Variants in CASZ1 observed in about 807,000 individuals in gnomAD.
CASZ1 encodes the protein castor zinc finger 1.
Under a neutral mutation model 135.2 loss-of-function variants are expected in CASZ1, and 28 were observed. That is an observed-to-expected ratio of 0.21 (90% confidence interval 0.15 to 0.28). CASZ1 has a LOEUF of 0.28. CASZ1 is among the 10% of genes least tolerant of loss of function. CASZ1 has a pLI of 1.00. For synonymous variants in CASZ1, 1,068 were observed against 1,073.4 expected (o/e 0.99, Z 0.10); for missense variants, 2,161 against 2,453.3 (o/e 0.88, Z 2.52).
Position 10,666,564 on chromosome 1 carries a change from G to A in CASZ1, c.17-993C>T, listed in dbSNP as rs959601173. Among the ~76,000 whole-genome samples the A allele has an allele frequency of 1.3e-5, 2 of 152,132 alleles. No individual in the cohort carries two copies. Among genetic ancestry groups the A allele is most frequent in the East Asian group, 1.9e-4 (1 of 5,186 alleles). On this transcript the variant is annotated intron_variant, in intron 4 of 20. Transcript: ENST00000377022. This position sits in a 1 kb window ranked among gnomAD's most constrained non-coding sequence, Gnocchi z 5.2. ...GGATCGCTTAGGTCCCTCACGGAAC[G>A]CCCCGAAGCGCCGGTCACAGCACCT...
intron 2 of CASZ1, among the ~76,000 whole-genome samples, chr1:10,733,638 G>C (rs1639743354): frequency 6.6e-6 from 1 of 152,184 alleles, no homozygotes; most frequent in African/African-American, 2.4e-5. Context: ...TATATGAAGA[G>C]AGGCCCAACT....
chr1:10,726,891 T>G lies in CASZ1; in HGVS notation c.-76-21347A>C, dbSNP rs1436410688. 6.6e-6 allele frequency among the ~76,000 whole-genome samples: 1 copy of G among 152,056 alleles called. No homozygotes were observed. The highest frequency in any genetic ancestry group is 1.5e-5 in the Non-Finnish European group (1 of 67,990). ...GTCCTGGGGGAAATGGTTCAGGGAATGAATCAGCACCTGCCAAACCCACTG... is the reference window on the plus strand; with the variant it reads ...GTCCTGGGGGAAATGGTTCAGGGAAGGAATCAGCACCTGCCAAACCCACTG... On this transcript the variant is annotated intron_variant, in intron 2 of 20. Transcript: ENST00000377022. This position sits in a 1 kb window ranked among gnomAD's most constrained non-coding sequence, Gnocchi z 5.7.
At chr1:10,648,387 G>A (rs1642443244) in intron 15 of CASZ1, 5 of 437,988 alleles carry the variant, frequency 1.1e-5, no homozygotes, top group Admixed American at 3.9e-5. Flanking sequence ...GCCCTTCCTC[G>A]GTCCCCAGCT....
At chr1:10,661,867 TAC>T (rs978945356) in intron 5 of CASZ1, among the ~76,000 whole-genome samples, 15 of 146,624 alleles carry the variant, frequency 1.0e-4, no homozygotes, top group East Asian at 2.1e-4. Flanking sequence ...CATACACTCT[TAC>T]ACAGTCACAT....
chr1:10,774,300 C>G lies in CASZ1; in HGVS notation c.-233-13443G>C, dbSNP rs79787295. On this transcript the variant is annotated intron_variant, in intron 1 of 20. Coordinates refer to ENST00000377022, the MANE Select transcript of CASZ1 (RefSeq NM_001079843.3). This position sits in a 1 kb window ranked among gnomAD's most constrained non-coding sequence, Gnocchi z 4.4. ...CCATTTCAAAAGCTAAACAATCTAC[C>G]CCTTTTAAATGTTCTCAACTCTGAC... 0.019 allele frequency among the ~76,000 whole-genome samples: 2,873 copies of G among 152,240 alleles called. 34 individuals are homozygous for G. The highest frequency in any genetic ancestry group is 0.031 in the Non-Finnish European group (2,080 of 67,994).
In CASZ1 at chr1:10,724,873, TCTCTTTCTC is replaced by T. The variant is rs565684419; in HGVS notation, c.-76-19338_-76-19330del. On this transcript the variant is annotated intron_variant, in intron 2 of 20. Coordinates refer to ENST00000377022, the MANE Select transcript of CASZ1 (RefSeq NM_001079843.3). This position sits in a 1 kb window ranked among gnomAD's most constrained non-coding sequence, Gnocchi z 4.1. The stretch of plus-strand genomic sequence containing the variant: ...TGGGGAAGAGAAGGTGCTCAACTTC[TCTCTTTCTC>T]CTCTTTCTCTGAAGTTTCCTTGTGG... Among the ~76,000 whole-genome samples, 204 of 152,352 alleles carry T rather than the reference TCTCTTTCTC, an allele frequency of 1.3e-3. No individual in the cohort carries two copies. The highest frequency in any genetic ancestry group is 4.6e-3 in the African/African-American group (192 of 41,586).
At chr1:10,708,177 AG>A (rs915022719) in intron 2 of CASZ1, among the ~76,000 whole-genome samples, 6 of 152,338 alleles carry the variant, frequency 3.9e-5, no homozygotes, top group Middle Eastern at 3.4e-3. Context: ...TGGAGCTTCC[AG>A]GCTATGGGGC....
At chr1:10,685,236 A>G (rs1240419939) in intron 4 of CASZ1, among the ~76,000 whole-genome samples, 1 of 152,222 alleles carries the variant, frequency 6.6e-6, no homozygotes, top group Non-Finnish European at 1.5e-5. Context: ...GAAGCTGCAC[A>G]GGCCCTAGAG....
At chr1:10,728,788 A>C (rs1028727797) in intron 2 of CASZ1, among the ~76,000 whole-genome samples, 1 of 151,696 alleles carries the variant, frequency 6.6e-6, no homozygotes, top group African/African-American at 2.4e-5. Flanking sequence ...CGGGCTGCAC[A>C]AAGGGGAATG....
rs1386811232 is a variant in CASZ1 at position 10,706,316 on chromosome 1, G to C, written c.-76-772C>G. ...AAGGGGCAGCCTGTGTGTACGTGGAGAGAAAACACAGGGAGTCCCCCCGCC... is the reference window on the plus strand; with the variant it reads ...AAGGGGCAGCCTGTGTGTACGTGGACAGAAAACACAGGGAGTCCCCCCGCC... On this transcript the variant is annotated intron_variant, in intron 2 of 20. Coordinates refer to ENST00000377022, the MANE Select transcript of CASZ1 (RefSeq NM_001079843.3). The surrounding 1 kb of genome is among the most constrained non-coding windows in gnomAD (Gnocchi z 4.3). Among the ~76,000 whole-genome samples the C allele has an allele frequency of 2.0e-5, 3 of 152,204 alleles. No homozygotes were observed. The highest frequency in any genetic ancestry group is 7.2e-5 in the African/African-American group (3 of 41,456).
intron 1 of CASZ1, among the ~76,000 whole-genome samples, chr1:10,773,471 C>T (rs1314864498): frequency 1.3e-5 from 2 of 151,930 alleles, no homozygotes; most frequent in Non-Finnish European, 2.9e-5. Context: ...GTCAGCGAGA[C>T]AGCTGACAGG....
intron 6 of CASZ1, among the ~76,000 whole-genome samples, chr1:10,659,380 C>T (rs900268629): frequency 3.3e-5 from 5 of 152,186 alleles, no homozygotes; most frequent in Admixed American, 2.6e-4. Context: ...ACACTTGTGC[C>T]TGGGAGTGTG....
rs1001529988 is a variant in CASZ1 at position 10,741,873 on chromosome 1, T to G, written c.-77+18828A>C. Among the ~76,000 whole-genome samples the G allele has an allele frequency of 3.9e-5, 6 of 152,036 alleles. No homozygotes were observed. The highest frequency in any genetic ancestry group is 2.0e-4 in the Admixed American group (3 of 15,260). ...TTTTGCTTACTGGGCAGTTTGTGCG[T>G]ATCTGTGTGTTTTTTCCCCCAAAGC... On this transcript the variant is annotated intron_variant, in intron 2 of 20. Transcript: ENST00000377022. This position sits in a 1 kb window ranked among gnomAD's most constrained non-coding sequence, Gnocchi z 5.0.
At chr1:10,796,401 G>GGCTCGCTC (rs1182441115) in intron 1 of CASZ1, among the ~76,000 whole-genome samples, 163 bp downstream of exon 1, 144 of 152,136 alleles carry the variant, frequency 9.5e-4, no homozygotes, top group African/African-American at 3.2e-3. Context: ...CTGGCTGGCT[G>GGCTCGCTC]GCTCGCTCGC....
intron 1 of CASZ1, among the ~76,000 whole-genome samples, chr1:10,761,364 T>C (rs145024352): frequency 5.3e-5 from 8 of 152,352 alleles, no homozygotes; most frequent in African/African-American, 1.9e-4. Context: ...TGGGAGCCTC[T>C]ATAAAAGGAA....
chr1:10,673,161 T>C lies in CASZ1; in HGVS notation c.17-7590A>G, dbSNP rs562912255. ...AGTGAAGGGGAGGAAAAGAGGGAAT[T>C]CAAATTGCTTACTTTGTTGGTTTTT... On this transcript the variant is annotated intron_variant, in intron 4 of 20. Transcript: ENST00000377022. 2.0e-5 allele frequency among the ~76,000 whole-genome samples: 3 copies of C among 152,190 alleles called. No homozygotes were observed. The South Asian group carries it at 6.2e-4, about 32-fold the overall frequency.
rs546668255 is a variant in CASZ1, at chr1:10,719,172, G to C, written c.-76-13628C>G. 3.9e-5 allele frequency among the ~76,000 whole-genome samples: 6 copies of C among 152,246 alleles called. No individual in the cohort carries two copies. Among genetic ancestry groups the C allele is most frequent in the South Asian group, 4.1e-4 (2 of 4,820 alleles). On this transcript the variant is annotated intron_variant, in intron 2 of 20. Coordinates refer to ENST00000377022, the MANE Select transcript of CASZ1 (RefSeq NM_001079843.3). This position sits in a 1 kb window ranked among gnomAD's most constrained non-coding sequence, Gnocchi z 4.0. ...ACCTCAAGCAATCTGCCCGCTTCCG[G>C]CTCCCTAAGTGCTGGGATTACAGGC...
chr1:10,743,357 AC>A (rs1639964971), intron 2 of CASZ1, among the ~76,000 whole-genome samples: 1 of 152,010 alleles, frequency 6.6e-6, no homozygotes, highest in Non-Finnish European at 1.5e-5. Context: ...GAAGGAGACT[AC>A]ATCTCCAAGT....
chr1:10,729,418 C>G (rs557751099), intron 2 of CASZ1, among the ~76,000 whole-genome samples: 3 of 152,292 alleles, frequency 2.0e-5, no homozygotes, highest in African/African-American at 4.8e-5. Flanking sequence ...TCCCCCACCC[C>G]CTTAGCTATC....
Sources: gnomAD v4.1 joint callset for allele counts (sites outside exome capture counted in the v4.1 genomes callset) on GRCh38, gnomAD v4.1.1 for gene constraint, Gnocchi (gnomAD v3.1) non-coding constraint, MANE v1.5 for transcripts, NCBI Gene and HGNC (gene_info 2026-07-23, HGNC 2026-07-21) for gene names.